PRMT3: variants seen among roughly 807,000 people sequenced by gnomAD.
PRMT3 encodes protein arginine N-methyltransferase 3.
Under a neutral mutation model 71.9 loss-of-function variants are expected in PRMT3, and 62 were observed. The observed-to-expected ratio is 0.86, with a 90% CI of 0.70 to 1.07. The LOEUF (loss-of-function observed/expected upper bound fraction) is 1.07. Among genes scored for constraint, PRMT3 ranks in the 50% least tolerant of loss-of-function variants. PRMT3 has a pLI of 0.00. For synonymous variants in PRMT3, 213 were observed against 220.4 expected (o/e 0.97, Z 0.30); for missense variants, 663 against 643.0 (o/e 1.03, Z -0.34).
rs755101931 is a variant in PRMT3, at chr11:20,387,864, C to G, written c.28+90C>G. 62 of 1,534,908 alleles carry G rather than the reference C, an allele frequency of 4.0e-5. No homozygotes were observed. The highest frequency in any genetic ancestry group is 5.2e-5 in the Non-Finnish European group (59 of 1,140,718). On this transcript the variant is annotated intron_variant, in intron 1 of 15. Transcript: ENST00000331079. The surrounding 1 kb of genome is among the most constrained non-coding windows in gnomAD (Gnocchi z 4.3). ...TGGAAGACCCTCCGGGACACGGGCCCGGGCAGGGTGGGGGGCTCGCAGGGA... is the reference window on the plus strand; with the variant it reads ...TGGAAGACCCTCCGGGACACGGGCCGGGGCAGGGTGGGGGGCTCGCAGGGA...
intron 10 of PRMT3, among the ~76,000 whole-genome samples, chr11:20,441,309 T>TTATA (rs1590066750): frequency 8.6e-6 from 1 of 116,206 alleles, no homozygotes; most frequent in Non-Finnish European, 1.8e-5. Context: ...ATTTATTTAT[T>TTATA]TATTTATATA....
In PRMT3 at chr11:20,397,625, G is replaced by A. The variant is rs1414630234; in HGVS notation, c.609G>A (p.Ser203=). The A allele has an allele frequency of 2.5e-6, 4 of 1,614,022 alleles. No homozygotes were observed. Among genetic ancestry groups the A allele is most frequent in the South Asian group, 1.1e-5 (1 of 91,082 alleles). ...TGCACACAGATGTCAGAACCTGCTCGTCATCTACTAGTGTCATTGCGGACC... is the reference window on the plus strand; with the variant it reads ...TGCACACAGATGTCAGAACCTGCTCATCATCTACTAGTGTCATTGCGGACC... ...FVMHTDVRTC[S]SSTSVIADLQ... Residue 203 remains serine, a synonymous_variant, in exon 7 of 16, where the codon TCG becomes TCA. Transcript: ENST00000331079.
At chr11:20,425,307 A>T (rs1590055042) in intron 9 of PRMT3, among the ~76,000 whole-genome samples, 1 of 152,196 alleles carries the variant, frequency 6.6e-6, no homozygotes, top group East Asian at 1.9e-4. Context: ...ATTAACAAGG[A>T]TGTGAAGCAA....
chr11:20,423,597 A>G (rs1222807784), intron 9 of PRMT3, among the ~76,000 whole-genome samples: 1 of 152,192 alleles, frequency 6.6e-6, no homozygotes, highest in Non-Finnish European at 1.5e-5. Context: ...TCTACTATCT[A>G]TGGCTTTCAT....
intron 9 of PRMT3, among the ~76,000 whole-genome samples, chr11:20,413,603 A>G (rs1237095250): frequency 6.6e-6 from 1 of 152,178 alleles, no homozygotes; most frequent in Non-Finnish European, 1.5e-5. Context: ...TTGGCTTGGC[A>G]TCAATGCCTC....
At chr11:20,463,055 G>A (rs1340431120) in intron 12 of PRMT3, among the ~76,000 whole-genome samples, 2 of 152,072 alleles carry the variant, frequency 1.3e-5, no homozygotes, top group African/African-American at 4.8e-5. Context: ...TAGTAGAGAT[G>A]GGGTTTCACC....
intron 13 of PRMT3, among the ~76,000 whole-genome samples, chr11:20,483,563 AAAAAAAAAATACTATGC>A (rs1392718290): frequency 1.6e-4 from 25 of 152,102 alleles, no homozygotes. Flanking sequence ...CCAAAAAAAA[AAAAAAAAAATACTATGC>A]AACATCACTT....
At chr11:20,431,261 A>C (rs753243285) in intron 10 of PRMT3, among the ~76,000 whole-genome samples, 7 of 152,166 alleles carry the variant, frequency 4.6e-5, no homozygotes, top group Non-Finnish European at 7.4e-5. Context: ...CAGGGTTAAG[A>C]ATGTTGCTCC....
At position 20,398,448 on chromosome 11, in the gene PRMT3, C is replaced by T. The variant is rs541341129; in HGVS notation, c.705+727C>T. Among the ~76,000 whole-genome samples, 4 of 152,002 alleles carry T rather than the reference C, an allele frequency of 2.6e-5. No individual in the cohort carries two copies. The East Asian group carries it at 7.8e-4, about 29-fold the overall frequency. ...ATGGTGCTTCCATGAGACTATAATG[C>T]CATATTTTTTTTTGTTGTTGTTGAG... On this transcript the variant is annotated intron_variant, in intron 7 of 15. Coordinates refer to ENST00000331079, the MANE Select transcript of PRMT3 (RefSeq NM_005788.4).
chr11:20,493,849 A>G, intron 13 of PRMT3, 70 bp from the exon 14 acceptor site: 5 of 1,041,486 alleles, frequency 4.8e-6, no homozygotes, highest in Non-Finnish European at 7.2e-6. Flanking sequence ...ATGTCTTAAG[A>G]GACAGTAATG....
chr11:20,395,856 C>A lies in PRMT3; in HGVS notation c.454C>A (p.Leu152Ile). Residue 152 changes from leucine to isoleucine, a missense_variant, in exon 6 of 16, where the codon CTC becomes ATC. Leu to Ile is a conservative substitution (Grantham distance 5). Coordinates refer to ENST00000331079, the MANE Select transcript of PRMT3 (RefSeq NM_005788.4). Reference sequence around the variant, plus strand: ...AGTACCCTTCTCATACCCCAATGGACTCAGTGAAAATACATCTGTTGTTGA... The same window carrying A: ...AGTACCCTTCTCATACCCCAATGGAATCAGTGAAAATACATCTGTTGTTGA... ...VSVPFSYPNG[L>I]SENTSVVEKL... is the part of the protein sequence containing the mutation. 1 of 1,613,960 alleles carries A rather than the reference C, an allele frequency of 6.2e-7. No homozygotes were observed. The highest frequency in any genetic ancestry group is 1.1e-5 in the South Asian group (1 of 91,068).
At chr11:20,430,891 A>G (rs1182750738) in intron 10 of PRMT3, among the ~76,000 whole-genome samples, 4 of 152,132 alleles carry the variant, frequency 2.6e-5, no homozygotes, top group African/African-American at 7.2e-5. Context: ...GTTAATACCT[A>G]TGTCTTTGTG....
chr11:20,454,797 C>T (rs1182306135), intron 11 of PRMT3, among the ~76,000 whole-genome samples: 1 of 151,940 alleles, frequency 6.6e-6, no homozygotes. Flanking sequence ...CCCATACAAA[C>T]GTGATGGGAC....
chr11:20,468,236 T>C (rs1850558102), intron 13 of PRMT3, among the ~76,000 whole-genome samples: 1 of 152,232 alleles, frequency 6.6e-6, no homozygotes, highest in African/African-American at 2.4e-5. Context: ...AACCTTCAGA[T>C]ATTAAATGCT....
intron 13 of PRMT3, among the ~76,000 whole-genome samples, chr11:20,476,535 T>G (rs150602276): frequency 6.6e-6 from 1 of 152,274 alleles, no homozygotes; most frequent in Non-Finnish European, 1.5e-5. Context: ...ACGGCCAACA[T>G]TCCATGAGGA....
At chr11:20,474,287 A>G (rs879390545) in intron 13 of PRMT3, among the ~76,000 whole-genome samples, 2 of 152,210 alleles carry the variant, frequency 1.3e-5, no homozygotes, top group African/African-American at 2.4e-5. Context: ...AGGCTGGAAT[A>G]GTCAAGTTGA....
intron 9 of PRMT3, among the ~76,000 whole-genome samples, chr11:20,415,048 G>GTGTT (rs1041862776): frequency 1.3e-5 from 2 of 151,614 alleles, no homozygotes; most frequent in Non-Finnish European, 2.9e-5. Flanking sequence ...GTGTGTGTGT[G>GTGTT]TGTGTGTATT....
intron 10 of PRMT3, among the ~76,000 whole-genome samples, chr11:20,442,900 C>G (rs924609372): frequency 6.6e-5 from 10 of 152,050 alleles, no homozygotes; most frequent in African/African-American, 1.9e-4. Context: ...ATTGATATAT[C>G]AAAGGGTTAA....
In PRMT3 at chr11:20,404,211, GTTTT is replaced by G. The variant is rs71063629; in HGVS notation, c.771+1265_771+1268del. On this transcript the variant is annotated intron_variant, in intron 8 of 15. Transcript: ENST00000331079. ...GTTACTATAGTGGAGACTTTTCATA[GTTTT>G]TTTTTTTTTTTTTTTTTTTTTTTTT... 3.2e-4 allele frequency among the ~76,000 whole-genome samples: 11 copies of G among 34,336 alleles called. 1 individual carries two copies. Among genetic ancestry groups the G allele is most frequent in the African/African-American group, 5.3e-4 (4 of 7,478 alleles). The allele number at this position is 34,336 out of a possible 152,430, so 22.5% of individuals were successfully genotyped here. A position where few individuals can be genotyped will look rare whatever the true frequency, so the allele number is the denominator to read the frequency against.
Sources: allele counts gnomAD v4.1 joint callset (sites outside exome capture counted in the v4.1 genomes callset), GRCh38; gene constraint gnomAD v4.1.1; non-coding constraint Gnocchi (gnomAD v3.1); transcripts MANE v1.5; gene names NCBI Gene and HGNC (gene_info 2026-07-23, HGNC 2026-07-21).